MYO1D: variants seen among roughly 807,000 people sequenced by gnomAD.
MYO1D encodes the protein myosin ID.
MYO1D carries 83 observed loss-of-function variants against 122.0 expected under a neutral mutation model. The ratio of observed to expected loss-of-function variants is 0.68; its 90% CI spans 0.57 to 0.82. The LOEUF is 0.82. Among genes scored for constraint, MYO1D ranks in the 40% least tolerant of loss-of-function variants. MYO1D has a pLI of 0.00. For missense variants in MYO1D, 1,157 were observed against 1,269.5 expected (o/e 0.91, Z 1.35); for synonymous variants, 464 against 446.9 (o/e 1.04, Z -0.48).
At chr17:32,700,843 C>T (rs974470726) in intron 16 of MYO1D, among the ~76,000 whole-genome samples, 13 of 150,408 alleles carry the variant, frequency 8.6e-5, no homozygotes, top group African/African-American at 3.2e-4. Context: ...ACTTGGGAGG[C>T]TGAGGCAGGA....
intron 14 of MYO1D, among the ~76,000 whole-genome samples, chr17:32,726,579 TTATATC>T (rs1031498342): frequency 1.3e-5 from 2 of 149,426 alleles, no homozygotes; most frequent in Non-Finnish European, 1.5e-5. Flanking sequence ...TAGATATATA[TTATATC>T]TATATCATCT....
intron 20 of MYO1D, among the ~76,000 whole-genome samples, chr17:32,609,453 A>C (rs2087671996): frequency 6.6e-6 from 1 of 152,220 alleles, no homozygotes. Context: ...GATCAGAGGA[A>C]GAGGTAAGTA....
chr17:32,765,132 T>C (rs1212159806), intron 7 of MYO1D, 51 bp from the exon 8 acceptor site: 1 of 1,459,676 alleles, frequency 6.9e-7, no homozygotes, highest in African/African-American at 1.4e-5. Context: ...ATGTCAAGGA[T>C]ATATTTGCCA....
intron 20 of MYO1D, among the ~76,000 whole-genome samples, chr17:32,623,153 T>C (rs1283475110): frequency 6.6e-6 from 1 of 152,230 alleles, no homozygotes; most frequent in Non-Finnish European, 1.5e-5. Flanking sequence ...GAGAGGACCC[T>C]GAGCCTGTCA....
chr17:32,795,800 G>A lies in MYO1D; in HGVS notation c.96-15016C>T, dbSNP rs550068622. 2.6e-4 allele frequency among the ~76,000 whole-genome samples: 40 copies of A among 152,184 alleles called. 3 individuals are homozygous for A. The South Asian group carries it at 2.9e-3, about 11-fold the overall frequency. On this transcript the variant is annotated intron_variant, in intron 1 of 21. Coordinates refer to ENST00000318217, the MANE Select transcript of MYO1D (RefSeq NM_015194.3). ...CTAAAGACTGAGAAAGAGGCCATCC[G>A]GGTACAACATAGCAGTTACGTCAGA...
intron 21 of MYO1D, among the ~76,000 whole-genome samples, chr17:32,517,666 G>A (rs1034749956): frequency 6.6e-6 from 1 of 152,072 alleles, no homozygotes; most frequent in Admixed American, 6.5e-5. Flanking sequence ...CCCTGGGAAC[G>A]ACCGGAAGAA....
chr17:32,790,954 G>A (rs183122379), intron 1 of MYO1D, among the ~76,000 whole-genome samples: 1 of 152,302 alleles, frequency 6.6e-6, no homozygotes, highest in Non-Finnish European at 1.5e-5. Flanking sequence ...AGTACAAAAT[G>A]AGCTTGGACT....
At chr17:32,832,290 C>CT (rs1233125029) in intron 1 of MYO1D, among the ~76,000 whole-genome samples, 7 of 148,704 alleles carry the variant, frequency 4.7e-5, no homozygotes, top group Admixed American at 1.3e-4. Context: ...TTTTTTCTTT[C>CT]TTCTTTTTTT....
chr17:32,575,466 T>C (rs995921659), intron 21 of MYO1D, among the ~76,000 whole-genome samples: 2 of 152,260 alleles, frequency 1.3e-5, no homozygotes, highest in African/African-American at 4.8e-5. Context: ...TAAATTTTGC[T>C]TGGTTAAATA....
chr17:32,530,075 T>G (rs1041362488), intron 21 of MYO1D: 3 of 152,128 alleles, frequency 2.0e-5, no homozygotes. Context: ...GAGTCTCAGT[T>G]CTCCAGGGAC....
chr17:32,619,971 T>C (rs974785162), intron 20 of MYO1D, among the ~76,000 whole-genome samples: 12 of 152,230 alleles, frequency 7.9e-5, no homozygotes, highest in African/African-American at 2.9e-4. Flanking sequence ...AGACTCTGGA[T>C]CTTACTTAAA....
rs551077410 is a variant in MYO1D at position 32,737,592 on chromosome 17, G to A, written c.1746+661C>T. 7.2e-5 allele frequency among the ~76,000 whole-genome samples: 11 copies of A among 152,064 alleles called. No homozygotes were observed. The East Asian group carries it at 1.4e-3, about 19-fold the overall frequency. ...CAGGCTGGTCTCCAGTGATCCTCCC[G>A]CCTCAGCCTCCTGAGTAGCTGGGAC... On this transcript the variant is annotated intron_variant, in intron 14 of 21. Transcript: ENST00000318217.
chr17:32,876,690 C>G (rs1034451212), intron 1 of MYO1D, 88 bp downstream of exon 1: 3 of 1,140,172 alleles, frequency 2.6e-6, no homozygotes, highest in Admixed American at 3.5e-5. Flanking sequence ...TGGGCGCTCC[C>G]GACACCCCGG....
At chr17:32,696,664 T>A (rs968895095) in intron 16 of MYO1D, among the ~76,000 whole-genome samples, 1 of 152,382 alleles carries the variant, frequency 6.6e-6, no homozygotes, top group South Asian at 2.1e-4. Flanking sequence ...TACGTGGCAC[T>A]GCTGCCACAT....
At chr17:32,523,034 C>A (rs182137937) in intron 21 of MYO1D, among the ~76,000 whole-genome samples, 1,789 of 152,260 alleles carry the variant, frequency 0.012, 27 homozygotes, top group African/African-American at 0.038. Context: ...CCAGGATGGT[C>A]TCGATCTCCT....
intron 20 of MYO1D, among the ~76,000 whole-genome samples, chr17:32,623,470 A>G (rs949062334): frequency 1.3e-5 from 2 of 152,150 alleles, no homozygotes; most frequent in Admixed American, 6.5e-5. Flanking sequence ...AAGTGAGACA[A>G]TATATGCAGA....
At position 32,661,676 on chromosome 17, in the gene MYO1D, CA is replaced by C. The variant is rs1479469145; in HGVS notation, c.2122-2339del. 2.6e-5 allele frequency among the ~76,000 whole-genome samples: 4 copies of C among 151,492 alleles called. No homozygotes were observed. The South Asian group carries it at 8.4e-4, about 32-fold the overall frequency. On this transcript the variant is annotated intron_variant, in intron 16 of 21. Coordinates refer to ENST00000318217, the MANE Select transcript of MYO1D (RefSeq NM_015194.3). The stretch of plus-strand genomic sequence containing the variant: ...GTCCCAAAAAAAAAAAATACCCCCC[CA>C]AAAAACCACGTATATTATGATTTCT...
chr17:32,525,884 T>A (rs1276062689), intron 21 of MYO1D, among the ~76,000 whole-genome samples: 1 of 152,172 alleles, frequency 6.6e-6, no homozygotes. Flanking sequence ...ACTCCCCACC[T>A]ACCTGCCCTT....
At chr17:32,641,487 T>C (rs925980026) in intron 19 of MYO1D, among the ~76,000 whole-genome samples, 3 of 152,242 alleles carry the variant, frequency 2.0e-5, no homozygotes, top group African/African-American at 7.2e-5. Flanking sequence ...TTTCTAGTTC[T>C]AGATCCCTGA....
Sources: gnomAD v4.1 joint callset for allele counts (sites outside exome capture counted in the v4.1 genomes callset) on GRCh38, gnomAD v4.1.1 for gene constraint, MANE v1.5 for transcripts, NCBI Gene and HGNC (gene_info 2026-07-23, HGNC 2026-07-21) for gene names.